The following LRBA variants were observed in gnomAD, a reference collection of about 807,000 sequenced individuals.
LRBA encodes LPS responsive beige-like anchor protein, also known as lipopolysaccharide-responsive and beige-like anchor protein.
In LRBA, 176 loss-of-function variants were observed where a neutral mutation model predicts 330.0. The observed-to-expected ratio is 0.53, with a 90% CI of 0.47 to 0.60. LRBA has a LOEUF of 0.60. Ranked by LOEUF, LRBA falls within the 20% of genes least tolerant of loss-of-function variation. The probability of loss-of-function intolerance (pLI) is 0.00; values close to 1 mark genes in which losing one functional copy is unlikely to be tolerated. For missense variants in LRBA, 3,259 were observed against 3,444.8 expected, an observed-to-expected ratio of 0.95 and a Z score of 1.35; for synonymous variants, 1,230 against 1,193.0, an observed-to-expected ratio of 1.03 and a Z score of -0.64.
intron 40 of LRBA, among the ~76,000 whole-genome samples, chr4:150,504,543 T>C (rs551599482): frequency 6.6e-6 from 1 of 152,298 alleles, no homozygotes; most frequent in South Asian, 2.1e-4. Flanking sequence ...AAGCAAATGC[T>C]GAGAGATTTT....
intron 40 of LRBA, chr4:150,580,787 A>AG (rs1264591909): frequency 2.0e-5 from 3 of 152,298 alleles, no homozygotes; most frequent in Non-Finnish European, 4.4e-5. Flanking sequence ...CAACTCGTTT[A>AG]GGATAATACA....
At chr4:150,308,459 T>G (rs1001136917) in intron 52 of LRBA, among the ~76,000 whole-genome samples, 3 of 152,244 alleles carry the variant, frequency 2.0e-5, no homozygotes, top group African/African-American at 7.2e-5. Flanking sequence ...AATAACTCTG[T>G]TACTGGTTTA....
At chr4:150,735,229 T>C (rs746167844) in intron 36 of LRBA, 29 bp downstream of exon 36, 11 of 1,510,218 alleles carry the variant, frequency 7.3e-6, no homozygotes, top group Non-Finnish European at 1.0e-5. Context: ...AACGGTAACT[T>C]CCGCACACCA....
At chr4:150,441,992 CCTT>C (rs1751904167) in intron 44 of LRBA, among the ~76,000 whole-genome samples, 1 of 152,070 alleles carries the variant, frequency 6.6e-6, no homozygotes, top group South Asian at 2.1e-4. Flanking sequence ...AACTATAATT[CCTT>C]CTTTCCTTCT....
chr4:150,405,401 C>T (rs1444295360), intron 47 of LRBA, among the ~76,000 whole-genome samples: 1 of 152,086 alleles, frequency 6.6e-6, no homozygotes, highest in African/African-American at 2.4e-5. Flanking sequence ...TGGTGAAAAC[C>T]ACTGGTATTT....
chr4:150,943,096 A>G (rs1201991369), intron 2 of LRBA, among the ~76,000 whole-genome samples: 1 of 152,208 alleles, frequency 6.6e-6, no homozygotes, highest in Non-Finnish European at 1.5e-5. Context: ...GTATGTCTAC[A>G]AAAGTGTTAA....
At chr4:150,482,226 C>T (rs1046305128) in intron 42 of LRBA, among the ~76,000 whole-genome samples, 1 of 152,086 alleles carries the variant, frequency 6.6e-6, no homozygotes, top group East Asian at 1.9e-4. Flanking sequence ...GCAATCATTG[C>T]TCTGTTTTCT....
At chr4:150,501,337 T>G (rs910619886) in intron 40 of LRBA, among the ~76,000 whole-genome samples, 2 of 152,146 alleles carry the variant, frequency 1.3e-5, no homozygotes, top group Admixed American at 6.6e-5. Flanking sequence ...TCAGGCCAGA[T>G]GTGGTGGCTC....
intron 48 of LRBA, among the ~76,000 whole-genome samples, chr4:150,332,395 A>C (rs1421240426): frequency 6.6e-6 from 1 of 152,104 alleles, no homozygotes; most frequent in Admixed American, 6.5e-5. Context: ...CAACATGCAT[A>C]AACTTTTACT....
At chr4:150,542,112 T>C (rs1765375351) in intron 40 of LRBA, among the ~76,000 whole-genome samples, 1 of 152,368 alleles carries the variant, frequency 6.6e-6, no homozygotes, top group Middle Eastern at 3.4e-3. Flanking sequence ...ATAGTACTTA[T>C]TAACCAGCTT....
intron 40 of LRBA, among the ~76,000 whole-genome samples, chr4:150,505,195 C>A (rs1239627873): frequency 6.6e-6 from 1 of 152,034 alleles, no homozygotes; most frequent in Non-Finnish European, 1.5e-5. Flanking sequence ...ACAAGGATAC[C>A]CAGGAACTGA....
intron 2 of LRBA, among the ~76,000 whole-genome samples, chr4:150,972,667 T>C (rs932362886): frequency 1.3e-5 from 2 of 152,224 alleles, no homozygotes; most frequent in African/African-American, 2.4e-5. Context: ...CATTTCCCAT[T>C]CAAAGAAAAA....
intron 36 of LRBA, among the ~76,000 whole-genome samples, chr4:150,720,634 ACTAAG>A (rs1258727340): frequency 2.0e-5 from 3 of 152,198 alleles, no homozygotes; most frequent in Non-Finnish European, 4.4e-5. Flanking sequence ...ATTAAGTGTT[ACTAAG>A]CAAGAAAAAA....
chr4:150,945,832 C>T (rs1736181664), intron 2 of LRBA, among the ~76,000 whole-genome samples: 1 of 150,926 alleles, frequency 6.6e-6, no homozygotes, highest in Non-Finnish European at 1.5e-5. Flanking sequence ...TGGAGTCTCG[C>T]TTTGTTGCCC....
At chr4:150,304,530 A>G (rs569770417) in intron 52 of LRBA, among the ~76,000 whole-genome samples, 1 of 152,276 alleles carries the variant, frequency 6.6e-6, no homozygotes, top group Admixed American at 6.5e-5. Context: ...GGGAGAGCAG[A>G]CTTCAAAGCA....
intron 36 of LRBA, among the ~76,000 whole-genome samples, chr4:150,698,151 C>G (rs1457226598): frequency 2.0e-5 from 3 of 152,066 alleles, no homozygotes; most frequent in Admixed American, 6.5e-5. Flanking sequence ...ACAACAATAG[C>G]CAATATTCTA....
intron 36 of LRBA, among the ~76,000 whole-genome samples, chr4:150,731,003 G>A (rs1313235652): frequency 1.3e-5 from 2 of 152,130 alleles, no homozygotes; most frequent in African/African-American, 2.4e-5. Context: ...GGGCAACATA[G>A]CAAGACTCTG....
intron 44 of LRBA, among the ~76,000 whole-genome samples, chr4:150,437,843 T>G (rs954317502): frequency 6.6e-6 from 1 of 152,224 alleles, no homozygotes; most frequent in Admixed American, 6.5e-5. Flanking sequence ...TAATTGCCTT[T>G]AGCAAATTGC....
intron 24 of LRBA, 89 bp from the exon 25 acceptor site, chr4:150,849,664 C>T (rs1750364556): frequency 1.9e-6 from 2 of 1,034,226 alleles, no homozygotes; most frequent in Non-Finnish European, 2.9e-6. Flanking sequence ...TAAGAAGGTG[C>T]TTTTGCTTCA....
Sources: gnomAD v4.1 joint callset for allele counts (sites outside exome capture counted in the v4.1 genomes callset) on GRCh38, gnomAD v4.1.1 for gene constraint, MANE v1.5 for transcripts, NCBI Gene and HGNC (gene_info 2026-07-23, HGNC 2026-07-21) for gene names.